Variants in PTPRF observed in about 807,000 individuals in gnomAD.
The protein encoded by PTPRF is receptor-type tyrosine-protein phosphatase F.
In PTPRF, 59 loss-of-function variants were observed where a neutral mutation model predicts 201.8. That is an observed-to-expected ratio of 0.29 (90% confidence interval 0.24 to 0.36). The LOEUF (loss-of-function observed/expected upper bound fraction) is 0.36. PTPRF is among the 10% of genes least tolerant of loss of function. The pLI is 1.00. For missense variants in PTPRF, 2,132 were observed against 2,690.5 expected, an observed-to-expected ratio of 0.79 and a Z score of 4.59; for synonymous variants, 1,088 against 1,089.7, an observed-to-expected ratio of 1.00 and a Z score of 0.03.
intron 16 of PTPRF, 56 bp from the exon 17 acceptor site, chr1:43,604,847 C>A (rs915117268): frequency 2.0e-6 from 3 of 1,466,962 alleles, no homozygotes; most frequent in East Asian, 2.3e-5. Flanking sequence ...ACCCTTCCAG[C>A]CCATTCACCC....
intron 5 of PTPRF, among the ~76,000 whole-genome samples, chr1:43,566,025 C>T (rs771755965): frequency 8.5e-5 from 13 of 152,242 alleles, no homozygotes; most frequent in Non-Finnish European, 1.5e-4. Context: ...TGGGTGGGTG[C>T]TTGCGACTGT....
intron 7 of PTPRF, among the ~76,000 whole-genome samples, chr1:43,581,690 G>C (rs1439349607): frequency 1.2e-4 from 19 of 152,248 alleles, no homozygotes; most frequent in Admixed American, 1.2e-3. Context: ...TGCATCCTGA[G>C]CCCTGCTTGT....
At position 43,614,203 on chromosome 1, in the gene PTPRF, G is replaced by C. The variant is rs142287641; in HGVS notation, c.4071+488G>C. Among the ~76,000 whole-genome samples the C allele has an allele frequency of 1.1e-4, 17 of 152,366 alleles. No homozygotes were observed. In the East Asian group the frequency reaches 3.1e-3, roughly 28 times the overall value. ...TTCCAGGTGAGGAAGCGGGGGCTCA[G>C]AGAGGGGAAGTGACTTGCCCAAGTC... On this transcript the variant is annotated intron_variant, in intron 23 of 33. Coordinates refer to ENST00000359947, the MANE Select transcript of PTPRF (RefSeq NM_002840.5).
intron 1 of PTPRF, among the ~76,000 whole-genome samples, chr1:43,533,165 TTTAACA>T (rs1180205680): frequency 6.6e-6 from 1 of 152,218 alleles, no homozygotes; most frequent in Non-Finnish European, 1.5e-5. Flanking sequence ...AGAAAATTGT[TTTAACA>T]TAATTCCTTC....
At chr1:43,557,591 G>A (rs1004409415) in intron 5 of PTPRF, among the ~76,000 whole-genome samples, 5 of 148,360 alleles carry the variant, frequency 3.4e-5, no homozygotes, top group Admixed American at 2.7e-4. Context: ...CTGAGATTGC[G>A]CCACTGCACT....
chr1:43,572,106 A>G (rs1040211882), intron 6 of PTPRF, among the ~76,000 whole-genome samples: 8 of 152,146 alleles, frequency 5.3e-5, no homozygotes. Context: ...GCTCCACTTG[A>G]AAACCTCCAC....
chr1:43,598,275 G>T (rs1019686244), intron 12 of PTPRF: 52 of 510,454 alleles, frequency 1.0e-4, no homozygotes, highest in Non-Finnish European at 1.5e-4. Flanking sequence ...CACAGGCTAA[G>T]ATGGGAGAAG....
chr1:43,589,142 C>A, intron 8 of PTPRF, 142 bp downstream of exon 8: 1 of 999,628 alleles, frequency 1.0e-6, no homozygotes, highest in Non-Finnish European at 1.4e-6. Context: ...CCCTGGGGTC[C>A]TCCAGCCCTT....
At chr1:43,524,074 A>AAAT (rs1643027539), upstream of PTPRF, among the ~76,000 whole-genome samples, 1 of 141,008 alleles carries the variant, frequency 7.1e-6, no homozygotes, top group Non-Finnish European at 1.5e-5. Flanking sequence ...AAAAAAAAAA[A>AAAT]GGAAGAAAGA....
chr1:43,549,089 C>T (rs989616818), intron 3 of PTPRF, among the ~76,000 whole-genome samples: 26 of 152,240 alleles, frequency 1.7e-4, no homozygotes, highest in African/African-American at 4.8e-4. Flanking sequence ...AAGGGCTGTG[C>T]GGCCCCCGAC....
Position 43,554,857 on chromosome 1 carries a change from C to CA in PTPRF, c.379+916_379+917insA, listed in dbSNP as rs1645249459. Among the ~76,000 whole-genome samples the CA allele has an allele frequency of 7.5e-6, 1 of 133,390 alleles. No homozygotes were observed. The highest frequency in any genetic ancestry group is 3.0e-5 in the African/African-American group (1 of 32,896). 87.5% of individuals were successfully genotyped at this position (133,390 alleles called of 152,430 possible). ...TTTTTTTTCTTTTCTTTCTTTCTTT[C>CA]TTTTTTTTTTTTTGAGATGCAGTCT... On this transcript the variant is annotated intron_variant, in intron 5 of 33. Coordinates refer to ENST00000359947, the MANE Select transcript of PTPRF (RefSeq NM_002840.5). This position sits in a 1 kb window ranked among gnomAD's most constrained non-coding sequence, Gnocchi z 4.1.
At chr1:43,592,710 C>T in intron 11 of PTPRF, 109 bp downstream of exon 11, 1 of 1,291,492 alleles carries the variant, frequency 7.7e-7, no homozygotes, top group South Asian at 1.8e-5. Context: ...GTCAGGTCTG[C>T]TGGCCAAACC....
intron 31 of PTPRF, 82 bp downstream of exon 31, chr1:43,620,661 A>C: frequency 6.4e-7 from 1 of 1,565,376 alleles, no homozygotes. Context: ...ACCTTAGCTC[A>C]AGCTTCAGAA....
At position 43,608,364 on chromosome 1, in the gene PTPRF, A is replaced by T. The variant is rs556895719; in HGVS notation, c.3858-1019A>T. 5.9e-5 allele frequency among the ~76,000 whole-genome samples: 9 copies of T among 151,662 alleles called. No individual in the cohort carries two copies. The East Asian group carries it at 1.8e-3, about 30-fold the overall frequency. On this transcript the variant is annotated intron_variant, in intron 21 of 33. Transcript: ENST00000359947. ...GGAGTTGTTCCTTCTCTCTTCACAC[A>T]CCTCCCCCTCTACTTCTAATCCTTG...
At chr1:43,549,597 G>A (rs1033215931) in intron 3 of PTPRF, among the ~76,000 whole-genome samples, 6 of 152,200 alleles carry the variant, frequency 3.9e-5, no homozygotes, top group Admixed American at 2.0e-4. Flanking sequence ...GCTCATACCC[G>A]TAATCCCAAC....
intron 11 of PTPRF, 56 bp downstream of exon 11, chr1:43,592,657 A>G: frequency 6.7e-7 from 1 of 1,483,324 alleles, no homozygotes; most frequent in Non-Finnish European, 9.0e-7. Context: ...ACACACACAC[A>G]CATGCACACA....
upstream of PTPRF, among the ~76,000 whole-genome samples, chr1:43,522,393 G>C (rs1043294430): frequency 6.6e-6 from 1 of 152,040 alleles, no homozygotes; most frequent in Non-Finnish European, 1.5e-5. Flanking sequence ...TCCTTTGTGG[G>C]CTCTTCTGCC....
chr1:43,604,167 C>T lies in PTPRF; in HGVS notation c.3015C>T (p.Ser1005=), dbSNP rs1654473629. The change falls in exon 16 of 34, where the codon TCC becomes TCT. Residue 1005 remains serine (S), a synonymous_variant. Transcript: ENST00000359947. ...GSGPLSPSIQ[S]RTMPVEQVFA... is the part of the protein sequence containing the mutation. ...GCCCACTCAGCCCCAGCATCCAGTCCCGGACCATGCCGGTGGAGCAAGGTG... is the reference window on the plus strand; with the variant it reads ...GCCCACTCAGCCCCAGCATCCAGTCTCGGACCATGCCGGTGGAGCAAGGTG... The T allele has an allele frequency of 5.6e-6, 9 of 1,613,952 alleles. No homozygotes were observed. Among genetic ancestry groups the T allele is most frequent in the Non-Finnish European group, 7.6e-6 (9 of 1,179,948 alleles).
rs3748795 is a variant in PTPRF, at chr1:43,591,135, C to A, written c.1113C>A (p.Thr371=). The part of the protein sequence containing the change: ...GPFQEVDGVA[T]TRYSIGGLSP... The stretch of plus-strand genomic sequence containing the variant: ...TTCAGGAGGTGGATGGTGTGGCCAC[C>A]ACCCGCTACAGCATTGGCGGCCTCA... The change falls in exon 9 of 34, where the codon ACC becomes ACA. Residue 371 remains threonine, a synonymous_variant. Transcript: ENST00000359947. 13 of 1,613,496 alleles carry A rather than the reference C, an allele frequency of 8.1e-6. No homozygotes were observed. The Admixed American group carries it at 2.0e-4, about 25-fold the overall frequency.
Sources: allele counts gnomAD v4.1 joint callset (sites outside exome capture counted in the v4.1 genomes callset), GRCh38; gene constraint gnomAD v4.1.1; non-coding constraint Gnocchi (gnomAD v3.1); transcripts MANE v1.5; gene names NCBI Gene and HGNC (gene_info 2026-07-23, HGNC 2026-07-21).